Variants in TAB2 observed in about 807,000 individuals in gnomAD.
The protein encoded by TAB2 is TGF-beta-activated kinase 1 and MAP3K7-binding protein 2.
Under a neutral mutation model 65.0 loss-of-function variants are expected in TAB2, and 3 were observed. The ratio of observed to expected loss-of-function variants is 0.05; its 90% CI spans 0.02 to 0.12. The LOEUF (loss-of-function observed/expected upper bound fraction) is 0.12. Among genes scored for constraint, TAB2 ranks in the 10% least tolerant of loss-of-function variants. The pLI is 1.00. For synonymous variants in TAB2, 298 were observed against 285.1 expected, an observed-to-expected ratio of 1.05 and a Z score of -0.46; for missense variants, 623 against 840.3, an observed-to-expected ratio of 0.74 and a Z score of 3.20.
At chr6:149,319,626 T>A (rs1180811110) in intron 1 of TAB2, among the ~76,000 whole-genome samples, 2 of 152,370 alleles carry the variant, frequency 1.3e-5, no homozygotes, top group African/African-American at 4.8e-5. Flanking sequence ...AACTTCTGTT[T>A]GGGTTTTTCC....
At chr6:149,360,771 A>G (rs1780819312) in intron 1 of TAB2, among the ~76,000 whole-genome samples, 1 of 152,180 alleles carries the variant, frequency 6.6e-6, no homozygotes, top group South Asian at 2.1e-4. Context: ...CCCTTTACCT[A>G]TGAGTCTGTA....
chr6:149,395,975 A>G (rs776231071), intron 3 of TAB2, among the ~76,000 whole-genome samples: 11 of 151,572 alleles, frequency 7.3e-5, no homozygotes, highest in South Asian at 4.2e-4. Flanking sequence ...CCTCTTGTCT[A>G]TTCTCTCTGT....
intron 1 of TAB2, among the ~76,000 whole-genome samples, chr6:149,366,346 A>T (rs1025170800): frequency 1.3e-5 from 2 of 152,108 alleles, no homozygotes; most frequent in African/African-American, 4.8e-5. Flanking sequence ...TGTCGCACAT[A>T]TGTATAGTTT....
intron 1 of TAB2, among the ~76,000 whole-genome samples, chr6:149,306,028 T>C (rs572168967): frequency 6.6e-6 from 1 of 152,354 alleles, no homozygotes; most frequent in African/African-American, 2.4e-5. Context: ...GTGAATTTTG[T>C]TCTAAGAGAA....
At chr6:149,244,969 A>C (rs180892595) in intron 1 of TAB2, 2 of 152,198 alleles carry the variant, frequency 1.3e-5, no homozygotes, top group Non-Finnish European at 2.9e-5. Context: ...TTCTCTCAAG[A>C]CCTCAAGTTT....
chr6:149,389,025 G>A (rs575687299), intron 3 of TAB2, among the ~76,000 whole-genome samples: 19 of 147,904 alleles, frequency 1.3e-4, no homozygotes, highest in East Asian at 1.2e-3. Context: ...GTGCAGTCTC[G>A]GCTCACTGCA....
chr6:149,220,564 T>C (rs972557685), intron 1 of TAB2, among the ~76,000 whole-genome samples: 1 of 152,188 alleles, frequency 6.6e-6, no homozygotes, highest in Non-Finnish European at 1.5e-5. Context: ...AGAAAAGTTC[T>C]GAAGTTTTGG....
At chr6:149,348,265 G>A (rs474587) in intron 1 of TAB2, among the ~76,000 whole-genome samples, 132,398 of 151,960 alleles carry the variant, frequency 0.87, 57,747 homozygotes, top group Middle Eastern at 0.97. Flanking sequence ...GTTGCGCACC[G>A]GTAGTCCCTG....
At position 149,403,679 on chromosome 6, in the gene TAB2, A is replaced by G. The variant is rs1282972901; in HGVS notation, c.1939+4495A>G. ...TCTGTATAGGAAGCGTGTCACTGACATCTGCTTAGTTTCTGGAGAGGCTTC... is the reference window on the plus strand; with the variant it reads ...TCTGTATAGGAAGCGTGTCACTGACGTCTGCTTAGTTTCTGGAGAGGCTTC... On this transcript the variant is annotated intron_variant, in intron 6 of 6. Transcript: ENST00000637181. Among the ~76,000 whole-genome samples, 5 of 152,044 alleles carry G rather than the reference A, an allele frequency of 3.3e-5. No individual in the cohort carries two copies. In the South Asian group the frequency reaches 1.0e-3, roughly 32 times the overall value.
chr6:149,308,005 G>A (rs540013888), intron 1 of TAB2, among the ~76,000 whole-genome samples: 58 of 152,184 alleles, frequency 3.8e-4, no homozygotes, highest in Admixed American at 3.5e-3. Flanking sequence ...CCTCCTTCCT[G>A]TAATATTATA....
chr6:149,238,877 C>A (rs140941450), intron 1 of TAB2, among the ~76,000 whole-genome samples: 1 of 152,194 alleles, frequency 6.6e-6, no homozygotes, highest in Non-Finnish European at 1.5e-5. Flanking sequence ...ACATCTTAGA[C>A]GACAGAGCCT....
chr6:149,308,521 C>T (rs503177), intron 1 of TAB2, among the ~76,000 whole-genome samples: 8,613 of 58,890 alleles, frequency 0.15, 671 homozygotes, highest in African/African-American at 0.37. Context: ...TATTTATTTA[C>T]TTATTTATTT....
intron 1 of TAB2, among the ~76,000 whole-genome samples, chr6:149,350,768 C>A (rs1451021360): frequency 2.6e-5 from 4 of 151,904 alleles, no homozygotes; most frequent in Admixed American, 2.6e-4. Context: ...GCATGTGCCA[C>A]CATGCCCAGC....
chr6:149,393,683 T>A (rs539525492), intron 3 of TAB2, among the ~76,000 whole-genome samples: 1 of 152,348 alleles, frequency 6.6e-6, no homozygotes, highest in African/African-American at 2.4e-5. Flanking sequence ...ACTGGGAGAA[T>A]GCTCAACCTT....
intron 1 of TAB2, among the ~76,000 whole-genome samples, chr6:149,318,397 T>A (rs1025537617): frequency 7.4e-6 from 1 of 135,860 alleles, no homozygotes; most frequent in Non-Finnish European, 1.6e-5. Flanking sequence ...CAGGCATGTG[T>A]GAGGTGGGGG....
At chr6:149,297,328 T>C (rs1416957669) in intron 1 of TAB2, among the ~76,000 whole-genome samples, 1 of 152,198 alleles carries the variant, frequency 6.6e-6, no homozygotes, top group Non-Finnish European at 1.5e-5. Context: ...GATCACGCAT[T>C]TCATTTCTTA....
intron 6 of TAB2, 144 bp from the exon 7 acceptor site, chr6:149,409,433 G>A (rs1042651416): frequency 4.2e-6 from 3 of 705,980 alleles, no homozygotes; most frequent in East Asian, 2.7e-5. Context: ...TAGTGATCGA[G>A]CATGTGTGTC....
chr6:149,253,239 G>A (rs915943546), intron 1 of TAB2: 1 of 152,240 alleles, frequency 6.6e-6, no homozygotes, highest in Non-Finnish European at 1.5e-5. Flanking sequence ...ATTTGCTGGA[G>A]TCTTCAGGAT....
chr6:149,390,547 G>A lies in TAB2; in HGVS notation c.1604-7057G>A, dbSNP rs537340486. 9.2e-5 allele frequency among the ~76,000 whole-genome samples: 14 copies of A among 152,254 alleles called. No homozygotes were observed. The East Asian group carries it at 2.7e-3, about 29-fold the overall frequency. ...TAACACCATCTGGAACTTCAAGAGT[G>A]TTTTTTAAATTTCAAATAAAATTGA... On this transcript the variant is annotated intron_variant, in intron 3 of 6. Transcript: ENST00000637181.
Sources: allele counts gnomAD v4.1 joint callset (sites outside exome capture counted in the v4.1 genomes callset), GRCh38; gene constraint gnomAD v4.1.1; transcripts MANE v1.5; gene names NCBI Gene and HGNC (gene_info 2026-07-23, HGNC 2026-07-21).